KIF1B: variants seen among roughly 807,000 people sequenced by gnomAD.
The protein encoded by KIF1B is kinesin family member 1B.
KIF1B carries 76 observed loss-of-function variants against 241.9 expected under a neutral mutation model. The ratio of observed to expected loss-of-function variants is 0.31; its 90% CI spans 0.26 to 0.38. The LOEUF (loss-of-function observed/expected upper bound fraction) is 0.38. Ranked by LOEUF, KIF1B falls within the 10% of genes least tolerant of loss-of-function variation. The probability of loss-of-function intolerance (pLI) is 1.00; values close to 1 mark genes in which losing one functional copy is unlikely to be tolerated. For missense variants in KIF1B, 1,622 were observed against 2,271.4 expected (o/e 0.71, Z 5.81); for synonymous variants, 750 against 796.7 (o/e 0.94, Z 0.99).
intron 2 of KIF1B, 88 bp downstream of exon 2, chr1:10,232,522 A>G (rs1646996349): frequency 2.2e-6 from 2 of 921,658 alleles, no homozygotes; most frequent in Non-Finnish European, 3.5e-6. Context: ...ATAGATGAAC[A>G]TCTGTATGTT....
chr1:10,321,591 C>T (rs1052207125), intron 23 of KIF1B, 118 bp from the exon 24 acceptor site: 2 of 1,058,522 alleles, frequency 1.9e-6, no homozygotes, highest in African/African-American at 1.6e-5. Flanking sequence ...ACAAAAGCAG[C>T]TGAATGGAGA....
intron 1 of KIF1B, among the ~76,000 whole-genome samples, chr1:10,223,546 G>GTTTTTTTTTTT (rs113574017): frequency 6.9e-5 from 9 of 131,292 alleles, no homozygotes; most frequent in East Asian, 2.3e-4. Context: ...GTTTTGTTTT[G>GTTTTTTTTTTT]TTTTTTTTTT....
At position 10,371,019 on chromosome 1, in the gene KIF1B, T is replaced by G. The variant is rs1429101018; in HGVS notation, c.4825-122T>G. On this transcript the variant is annotated intron_variant, in intron 44 of 48. Coordinates refer to ENST00000676179, the MANE Select transcript of KIF1B (RefSeq NM_001365951.3). Reference sequence around the variant, plus strand: ...TAAATTATGTATAGGCTTGTTTTCTTAAATGACCTTCTGAAACAAGATGTA... The same window carrying G: ...TAAATTATGTATAGGCTTGTTTTCTGAAATGACCTTCTGAAACAAGATGTA... The G allele has an allele frequency of 1.8e-5, 22 of 1,192,154 alleles. No individual in the cohort carries two copies. The Admixed American group carries it at 3.9e-4, about 21-fold the overall frequency. 73.8% of individuals were successfully genotyped at this position (1,192,154 alleles called of 1,614,324 possible).
intron 15 of KIF1B, among the ~76,000 whole-genome samples, chr1:10,290,780 G>T (rs1009193523): frequency 6.7e-6 from 1 of 149,774 alleles, no homozygotes; most frequent in African/African-American, 2.4e-5. Flanking sequence ...TGAGGCAGGA[G>T]AATCACTTGA....
intron 10 of KIF1B, chr1:10,274,962 AT>A: frequency 2.7e-6 from 1 of 374,300 alleles, no homozygotes; most frequent in Non-Finnish European, 5.2e-6. Flanking sequence ...AGGTAATAGT[AT>A]TGTGTTGATG....
chr1:10,309,187 G>A (rs561984468), intron 22 of KIF1B, among the ~76,000 whole-genome samples: 3 of 152,244 alleles, frequency 2.0e-5, no homozygotes, highest in African/African-American at 7.2e-5. Context: ...ACATAATCAC[G>A]CATCATGGGA....
At position 10,378,098 on chromosome 1, in the gene KIF1B, C is replaced by G; in HGVS notation, c.*1511C>G. 67 of 463,564 alleles carry G rather than the reference C, an allele frequency of 1.4e-4. No individual in the cohort carries two copies. The highest frequency in any genetic ancestry group is 1.7e-4 in the East Asian group (5 of 29,486). 28.7% of individuals were successfully genotyped at this position (463,564 alleles called of 1,614,324 possible). On this transcript the variant is annotated 3_prime_UTR_variant, in exon 49 of 49. Coordinates refer to ENST00000676179, the MANE Select transcript of KIF1B (RefSeq NM_001365951.3). The stretch of plus-strand genomic sequence containing the variant: ...CAGGTTGAAGATGCTTTCAGTGATG[C>G]TCTCTATACTCATAAATAAGCAAAT...
chr1:10,245,811 G>A (rs1489924250), intron 2 of KIF1B, among the ~76,000 whole-genome samples: 2 of 152,152 alleles, frequency 1.3e-5, no homozygotes, highest in African/African-American at 4.8e-5. Flanking sequence ...GATAATCATT[G>A]TAATAAAGGT....
chr1:10,321,085 T>C (rs2847345), intron 23 of KIF1B, among the ~76,000 whole-genome samples: 2 of 151,618 alleles, frequency 1.3e-5, no homozygotes, highest in East Asian at 3.9e-4. Flanking sequence ...AGTCATACAA[T>C]GTAACAGAGG....
At chr1:10,320,719 T>G (rs1223757983) in intron 23 of KIF1B, among the ~76,000 whole-genome samples, 1 of 152,018 alleles carries the variant, frequency 6.6e-6, no homozygotes, top group Non-Finnish European at 1.5e-5. Context: ...ACATTTCTTA[T>G]TTATTTATTT....
At chr1:10,348,893 A>G (rs1652688525) in intron 37 of KIF1B, among the ~76,000 whole-genome samples, 160 bp downstream of exon 37, 2 of 152,040 alleles carry the variant, frequency 1.3e-5, no homozygotes, top group African/African-American at 4.8e-5. Context: ...CTCCTGCCTC[A>G]GGTTCCCGAG....
rs570227078 is a variant in KIF1B, at chr1:10,292,434, G to T, written c.1590+312G>T. The T allele has an allele frequency of 7.9e-5, 25 of 317,530 alleles. No homozygotes were observed. The East Asian group carries it at 1.6e-3, about 20-fold the overall frequency. The allele number at this position is 317,530 out of a possible 1,614,324, so 19.7% of individuals were successfully genotyped here. On this transcript the variant is annotated intron_variant, in intron 17 of 48. Transcript: ENST00000676179. ...TCTTAAATTCCCAGCCTAACCTAGC[G>T]TACTTTCAGTTTTGGCTACTCTTTC...
chr1:10,350,166 G>A (rs1162320846), intron 37 of KIF1B, among the ~76,000 whole-genome samples: 1 of 151,610 alleles, frequency 6.6e-6, no homozygotes, highest in Non-Finnish European at 1.5e-5. Flanking sequence ...GCGGGCGCCT[G>A]TAGTCCCAGG....
chr1:10,327,705 A>C (rs972223447), intron 27 of KIF1B, among the ~76,000 whole-genome samples: 1 of 152,154 alleles, frequency 6.6e-6, no homozygotes, highest in African/African-American at 2.4e-5. Context: ...TTTAAATTAC[A>C]AGTTCAACAG....
At chr1:10,308,117 T>C in intron 22 of KIF1B, 1 of 1,061,104 alleles carries the variant, frequency 9.4e-7, no homozygotes, top group Admixed American at 5.4e-5. Context: ...TGCAGTCAGC[T>C]GCTGTGCCCC....
intron 43 of KIF1B, 82 bp from the exon 44 acceptor site, chr1:10,368,385 A>T: frequency 8.7e-7 from 1 of 1,146,736 alleles, no homozygotes; most frequent in Non-Finnish European, 1.3e-6. Flanking sequence ...GCCCTTCAGG[A>T]GCCTCCACGT....
intron 48 of KIF1B, among the ~76,000 whole-genome samples, chr1:10,375,654 GGATTA>G (rs1638862261): frequency 6.6e-6 from 1 of 151,802 alleles, no homozygotes; most frequent in African/African-American, 2.4e-5. Context: ...CAAAGTGCTG[GGATTA>G]CAGGCCTGAG....
chr1:10,336,879 T>G, intron 29 of KIF1B, 137 bp downstream of exon 29: 1 of 1,087,752 alleles, frequency 9.2e-7, no homozygotes, highest in South Asian at 1.3e-5. Context: ...ATGGGACATG[T>G]CTAACAATTA....
chr1:10,245,279 T>C lies in KIF1B; in HGVS notation c.107-10968T>C, dbSNP rs553195523. Among the ~76,000 whole-genome samples, 170 of 152,302 alleles carry C rather than the reference T, an allele frequency of 1.1e-3. 1 individual carries two copies. The highest frequency in any genetic ancestry group is 3.9e-3 in the African/African-American group (163 of 41,568). ...AGGCAGGGAGAAAAGGGGGTAAAAT[T>C]AGGGAATTTAGTAGACTGTCTTAAG... is the stretch of plus-strand genomic sequence containing the variant. On this transcript the variant is annotated intron_variant, in intron 2 of 48. Transcript: ENST00000676179.
Sources: allele counts gnomAD v4.1 joint callset (sites outside exome capture counted in the v4.1 genomes callset), GRCh38; gene constraint gnomAD v4.1.1; transcripts MANE v1.5; gene names NCBI Gene and HGNC (gene_info 2026-07-23, HGNC 2026-07-21).